RIMS3: variants seen among roughly 807,000 people sequenced by gnomAD.
RIMS3 encodes regulating synaptic membrane exocytosis protein 3.
A neutral mutation model predicts 29.2 loss-of-function variants in RIMS3; 15 were observed. The observed-to-expected ratio is 0.51, with a 90% CI of 0.34 to 0.79. The LOEUF (loss-of-function observed/expected upper bound fraction) is 0.79, where lower values mean the gene tolerates loss of function less well. Among genes scored for constraint, RIMS3 ranks in the 30% least tolerant of loss-of-function variants. The pLI, the probability that RIMS3 is intolerant of heterozygous loss-of-function variation, is 0.01. For synonymous variants in RIMS3, 161 were observed against 170.1 expected, an observed-to-expected ratio of 0.95 and a Z score of 0.41; for missense variants, 342 against 421.4, an observed-to-expected ratio of 0.81 and a Z score of 1.65.
At chr1:40,632,774 G>A (rs912756688) in intron 5 of RIMS3, among the ~76,000 whole-genome samples, 3 of 152,058 alleles carry the variant, frequency 2.0e-5, no homozygotes, top group Non-Finnish European at 4.4e-5. Context: ...GCGCTGTTGG[G>A]TGTAACAAGT....
the RIMS3 span, among the ~76,000 whole-genome samples, chr1:40,689,841 T>G: frequency 1.4e-3 from 206 of 152,350 alleles, no homozygotes; most frequent in African/African-American, 4.4e-3. Flanking sequence ...AAATAGCTGC[T>G]GTCCCAAACC....
upstream of RIMS3, among the ~76,000 whole-genome samples, chr1:40,668,796 G>A (rs929272405): frequency 5.9e-5 from 9 of 152,134 alleles, no homozygotes; most frequent in Non-Finnish European, 1.2e-4. Context: ...ATGACAAAAC[G>A]GAGGGGATAT....
chr1:40,662,194 G>A (rs944124227), intron 1 of RIMS3, among the ~76,000 whole-genome samples: 4 of 152,100 alleles, frequency 2.6e-5, no homozygotes, highest in Admixed American at 1.3e-4. Context: ...CTAGGAAATC[G>A]GGCCAGGCTG....
At chr1:40,649,660 C>T (rs912167908) in intron 1 of RIMS3, among the ~76,000 whole-genome samples, 4 of 152,228 alleles carry the variant, frequency 2.6e-5, no homozygotes, top group Admixed American at 1.3e-4. Flanking sequence ...CCCCCATCCT[C>T]GCCAGACCGG....
rs747414285 is a variant in RIMS3, at chr1:40,623,935, G to C, written c.*2582C>G. The C allele has an allele frequency of 8.0e-5, 13 of 162,090 alleles. No individual in the cohort carries two copies. The highest frequency in any genetic ancestry group is 1.7e-4 in the Non-Finnish European group (13 of 74,854). The allele number at this position is 162,090 out of a possible 1,614,324, so 10.0% of individuals were successfully genotyped here. A position where few individuals can be genotyped will look rare whatever the true frequency, so the allele number is the denominator to read the frequency against. On this transcript the variant is annotated 3_prime_UTR_variant, in exon 8 of 8. Coordinates refer to ENST00000372684, the MANE Select transcript of RIMS3 (RefSeq NM_014747.3). The stretch of plus-strand genomic sequence containing the variant: ...AAGGGTTAAAAGAATAATTCCCCAA[G>C]GTCAATTTGGGGAGGAAATTACCTT...
upstream of RIMS3, among the ~76,000 whole-genome samples, chr1:40,670,574 T>TTTTATATA (rs1453530876): frequency 2.8e-5 from 2 of 71,210 alleles, no homozygotes; most frequent in African/African-American, 1.4e-4. Context: ...AGTTATAATT[T>TTTTATATA]TATATATATA....
chr1:40,665,221 C>G (rs376351748), intron 1 of RIMS3, among the ~76,000 whole-genome samples, 173 bp downstream of exon 1: 26 of 151,904 alleles, frequency 1.7e-4, no homozygotes, highest in African/African-American at 5.8e-4. Context: ...ATCCCTTAGT[C>G]CCCTCCCCAG....
At chr1:40,628,017 TTCTC>T (rs1158249737) in intron 7 of RIMS3, among the ~76,000 whole-genome samples, 1 of 152,206 alleles carries the variant, frequency 6.6e-6, no homozygotes, top group Non-Finnish European at 1.5e-5. Context: ...CTCTAGCCTC[TTCTC>T]TCTCACCTCC....
chr1:40,628,231 C>G (rs1174335864), intron 7 of RIMS3, among the ~76,000 whole-genome samples: 1 of 152,192 alleles, frequency 6.6e-6, no homozygotes, highest in Admixed American at 6.5e-5. Context: ...GTGCTTTATC[C>G]CCACGTGACC....
the RIMS3 span, among the ~76,000 whole-genome samples, chr1:40,678,523 C>G: frequency 1.3e-5 from 2 of 152,244 alleles, no homozygotes; most frequent in Non-Finnish European, 2.9e-5. Flanking sequence ...TCCTTGCCAA[C>G]TGTGCTCATT....
rs138190860 is a variant in RIMS3, at chr1:40,633,942, T to C, written c.360-761A>G. Among the ~76,000 whole-genome samples the C allele has an allele frequency of 1.7e-3, 259 of 152,282 alleles. 4 individuals are homozygous for C. Among genetic ancestry groups the C allele is most frequent in the African/African-American group, 6.0e-3 (249 of 41,560 alleles). On this transcript the variant is annotated intron_variant, in intron 4 of 7. Transcript: ENST00000372684. ...TCATAGGGTTTTATATGTTGAGGAT[T>C]AGGGCAAATGAAAAGTTCCAGACAA...
At chr1:40,684,734 C>T in the RIMS3 span, among the ~76,000 whole-genome samples, 1 of 152,198 alleles carries the variant, frequency 6.6e-6, no homozygotes, top group Admixed American at 6.5e-5. Context: ...GAAATTTTAT[C>T]TTGAAACAGC....
chr1:40,671,371 A>C, the RIMS3 span, among the ~76,000 whole-genome samples: 8 of 152,216 alleles, frequency 5.3e-5, no homozygotes, highest in Non-Finnish European at 1.0e-4. Context: ...TACAAAACTA[A>C]GATTGTTGGT....
chr1:40,641,683 C>G, intron 3 of RIMS3, 26 bp downstream of exon 3: 1 of 1,611,092 alleles, frequency 6.2e-7, no homozygotes, highest in Non-Finnish European at 8.5e-7. Flanking sequence ...CCCACCTCTA[C>G]CCCGTGATGT....
chr1:40,683,860 T>C, the RIMS3 span, among the ~76,000 whole-genome samples: 1 of 152,218 alleles, frequency 6.6e-6, no homozygotes, highest in African/African-American at 2.4e-5. Context: ...CTTTATTTAT[T>C]CTCAGGAAGT....
At chr1:40,650,287 A>G (rs2744807) in intron 1 of RIMS3, among the ~76,000 whole-genome samples, 75,492 of 152,142 alleles carry the variant, frequency 0.5, 20,527 homozygotes, top group African/African-American at 0.73. Flanking sequence ...GGGGCTCCTG[A>G]GGACAGGGCT....
chr1:40,668,966 C>G (rs918615097), upstream of RIMS3: 2 of 152,208 alleles, frequency 1.3e-5, no homozygotes, highest in Non-Finnish European at 2.9e-5. Context: ...TGTTTAGGGG[C>G]CGGGAAGTCC....
At position 40,626,208 on chromosome 1, in the gene RIMS3, C is replaced by T; in HGVS notation, c.*309G>A. The T allele has an allele frequency of 2.3e-6, 1 of 432,212 alleles. No individual in the cohort carries two copies. The highest frequency in any genetic ancestry group is 2.1e-5 in the South Asian group (1 of 47,284). The allele number at this position is 432,212 out of a possible 1,614,324, so 26.8% of individuals were successfully genotyped here. A position where few individuals can be genotyped will look rare whatever the true frequency, so the allele number is the denominator to read the frequency against. On this transcript the variant is annotated 3_prime_UTR_variant, in exon 8 of 8. Coordinates refer to ENST00000372684, the MANE Select transcript of RIMS3 (RefSeq NM_014747.3). Reference sequence around the variant, plus strand: ...CTCCTCAGGGTGAGTCATGTCCACACAACACTCCTTTGGGTTTCTTTTCAA... The same window carrying T: ...CTCCTCAGGGTGAGTCATGTCCACATAACACTCCTTTGGGTTTCTTTTCAA...
chr1:40,644,042 C>T (rs964761109), intron 2 of RIMS3, among the ~76,000 whole-genome samples: 2 of 120,928 alleles, frequency 1.7e-5, no homozygotes, highest in Non-Finnish European at 3.6e-5. Flanking sequence ...AGATTTGGAT[C>T]CCATGCTTAC....
Sources: gnomAD v4.1 joint callset for allele counts (sites outside exome capture counted in the v4.1 genomes callset) on GRCh38, gnomAD v4.1.1 for gene constraint, MANE v1.5 for transcripts, NCBI Gene and HGNC (gene_info 2026-07-23, HGNC 2026-07-21) for gene names.